Variants in AGBL4 observed in about 807,000 individuals in gnomAD.
AGBL4 encodes AGBL carboxypeptidase 4, also known as cytosolic carboxypeptidase 6.
AGBL4 carries 58 observed loss-of-function variants against 66.4 expected under a neutral mutation model. The observed-to-expected ratio is 0.87, with a 90% CI of 0.71 to 1.09. The LOEUF is 1.09. AGBL4 is among the 50% of genes least tolerant of loss of function. The pLI is 0.00. For missense variants in AGBL4, 579 were observed against 631.0 expected, an observed-to-expected ratio of 0.92 and a Z score of 0.88; for synonymous variants, 234 against 222.9, an observed-to-expected ratio of 1.05 and a Z score of -0.44.
intron 6 of AGBL4, among the ~76,000 whole-genome samples, chr1:48,795,685 C>T (rs575542381): frequency 6.6e-6 from 1 of 152,280 alleles, no homozygotes; most frequent in South Asian, 2.1e-4. Context: ...TGGAGTCTTG[C>T]TCCATTGTCC....
At chr1:49,920,894 G>C (rs992626591) in intron 1 of AGBL4, among the ~76,000 whole-genome samples, 1 of 152,194 alleles carries the variant, frequency 6.6e-6, no homozygotes, top group Non-Finnish European at 1.5e-5. Context: ...CATACACCAT[G>C]GAATACTATG....
At chr1:48,528,954 A>C (rs1391093455), downstream of AGBL4, among the ~76,000 whole-genome samples, 2 of 151,898 alleles carry the variant, frequency 1.3e-5, no homozygotes, top group Non-Finnish European at 2.9e-5. Flanking sequence ...GGCTGGGTGA[A>C]TATCATGTTC....
At chr1:48,834,250 A>G (rs886435380) in intron 6 of AGBL4, among the ~76,000 whole-genome samples, 43 of 152,124 alleles carry the variant, frequency 2.8e-4, no homozygotes, top group African/African-American at 1.0e-3. Flanking sequence ...TCTCACCCAT[A>G]TCTGATTTAG....
intron 3 of AGBL4, among the ~76,000 whole-genome samples, chr1:49,371,232 GATAGATAGATAGATAGATACATAC>G (rs1644335596): frequency 7.8e-6 from 1 of 127,436 alleles, no homozygotes; most frequent in African/African-American, 3.1e-5. Flanking sequence ...TAGATATATA[GATAGATAGATAGATAGATACATAC>G]ATACATACAT....
At chr1:49,828,863 G>A (rs1012136696) in intron 2 of AGBL4, among the ~76,000 whole-genome samples, 1 of 152,104 alleles carries the variant, frequency 6.6e-6, no homozygotes, top group African/African-American at 2.4e-5. Context: ...GAGGTCAGGA[G>A]ATCAAGACCA....
At chr1:49,543,191 T>C (rs1357030658) in intron 3 of AGBL4, among the ~76,000 whole-genome samples, 1 of 152,150 alleles carries the variant, frequency 6.6e-6, no homozygotes. Context: ...ACTTGCCAAG[T>C]CAACTCTGAT....
intron 4 of AGBL4, among the ~76,000 whole-genome samples, chr1:49,215,082 T>G (rs986324555): frequency 1.3e-5 from 2 of 152,148 alleles, no homozygotes; most frequent in Non-Finnish European, 2.9e-5. Context: ...TACTTATATG[T>G]AGATTCATGA....
At chr1:49,195,648 A>C (rs1389447346) in intron 4 of AGBL4, among the ~76,000 whole-genome samples, 1 of 152,138 alleles carries the variant, frequency 6.6e-6, no homozygotes, top group Non-Finnish European at 1.5e-5. Flanking sequence ...TCAATTTTGC[A>C]ATGTATTTTC....
intron 9 of AGBL4, among the ~76,000 whole-genome samples, chr1:48,607,663 C>T (rs957100042): frequency 6.6e-6 from 1 of 152,038 alleles, no homozygotes; most frequent in Non-Finnish European, 1.5e-5. Context: ...CGGCACCATT[C>T]TAGTATCTTA....
At chr1:49,493,665 A>C (rs1647274277) in intron 3 of AGBL4, among the ~76,000 whole-genome samples, 1 of 151,970 alleles carries the variant, frequency 6.6e-6, no homozygotes, top group African/African-American at 2.4e-5. Context: ...AGGAAACTGA[A>C]ATGTGGGCTG....
intron 6 of AGBL4, among the ~76,000 whole-genome samples, chr1:48,828,707 A>T (rs186436079): frequency 7.2e-5 from 11 of 152,380 alleles, no homozygotes; most frequent in Admixed American, 7.2e-4. Context: ...GGTTGTGTTA[A>T]GGATAATTCT....
At chr1:49,145,960 T>C (rs1303650744) in intron 4 of AGBL4, among the ~76,000 whole-genome samples, 1 of 152,192 alleles carries the variant, frequency 6.6e-6, no homozygotes, top group Non-Finnish European at 1.5e-5. Context: ...TGCAACGACA[T>C]GGATGGAATT....
chr1:48,992,810 C>T (rs1238341209), intron 5 of AGBL4, among the ~76,000 whole-genome samples: 1 of 152,054 alleles, frequency 6.6e-6, no homozygotes, highest in Non-Finnish European at 1.5e-5. Context: ...TATGTTCACC[C>T]CAAACCCAAG....
chr1:48,761,520 A>G, intron 6 of AGBL4: 2 of 1,525,200 alleles, frequency 1.3e-6, no homozygotes, highest in Non-Finnish European at 1.8e-6. Context: ...AAAATGAGTC[A>G]TTATGAGTTT....
chr1:48,719,739 T>C lies in AGBL4; in HGVS notation c.635-56498A>G, dbSNP rs539635959. Among the ~76,000 whole-genome samples, 5 of 152,364 alleles carry C rather than the reference T, an allele frequency of 3.3e-5. No individual in the cohort carries two copies. In the South Asian group the frequency reaches 1.0e-3, roughly 32 times the overall value. ...TCTATGTGCTAGGTATAGTTATAAG[T>C]GCATTTTAGATATTGGCTTAATGCT... is the stretch of plus-strand genomic sequence containing the variant. On this transcript the variant is annotated intron_variant, in intron 6 of 13. Transcript: ENST00000371839.
chr1:48,663,401 A>C (rs916681579), intron 6 of AGBL4, among the ~76,000 whole-genome samples, 160 bp from the exon 7 acceptor site: 3 of 152,186 alleles, frequency 2.0e-5, no homozygotes, highest in African/African-American at 7.2e-5. Flanking sequence ...ATTGCTGACT[A>C]ATTTAATTAT....
At chr1:48,889,271 C>T (rs926585516) in intron 5 of AGBL4, among the ~76,000 whole-genome samples, 6 of 152,178 alleles carry the variant, frequency 3.9e-5, no homozygotes, top group African/African-American at 1.2e-4. Context: ...TGGCAGGTTT[C>T]GGACGCACGC....
intron 2 of AGBL4, among the ~76,000 whole-genome samples, chr1:49,712,445 G>A (rs1362800967): frequency 5.9e-5 from 9 of 151,800 alleles, no homozygotes; most frequent in Admixed American, 5.3e-4. Flanking sequence ...AGAGATGGGG[G>A]TGGGGGCAGG....
chr1:50,021,221 C>T (rs944358070), intron 1 of AGBL4, among the ~76,000 whole-genome samples: 5 of 152,282 alleles, frequency 3.3e-5, no homozygotes, highest in Admixed American at 1.3e-4. Context: ...TCTCTCCAGT[C>T]GCACCTTCTC....
Sources: allele counts gnomAD v4.1 joint callset (sites outside exome capture counted in the v4.1 genomes callset), GRCh38; gene constraint gnomAD v4.1.1; transcripts MANE v1.5; gene names NCBI Gene and HGNC (gene_info 2026-07-23, HGNC 2026-07-21).